Variants in ARB2A observed in about 807,000 individuals in gnomAD.
ARB2A encodes the protein cotranscriptional regulator ARB2A.
the ARB2A span, among the ~76,000 whole-genome samples, chr5:93,851,072 GT>G: frequency 6.6e-6 from 1 of 151,960 alleles, no homozygotes. Flanking sequence ...CATTCATTTT[GT>G]CAGATGGACC....
the ARB2A span, among the ~76,000 whole-genome samples, chr5:94,036,225 C>A: frequency 6.6e-6 from 1 of 151,984 alleles, no homozygotes; most frequent in Non-Finnish European, 1.5e-5. Flanking sequence ...TTAGGGTATT[C>A]TTTAAGCACA....
At chr5:93,808,120 C>T in the ARB2A span, among the ~76,000 whole-genome samples, 30 of 152,060 alleles carry the variant, frequency 2.0e-4, no homozygotes, top group African/African-American at 6.0e-4. Flanking sequence ...AAAAACCTTA[C>T]GGCTATATCG....
chr5:93,997,450 A>C, the ARB2A span, among the ~76,000 whole-genome samples: 1 of 152,030 alleles, frequency 6.6e-6, no homozygotes, highest in Non-Finnish European at 1.5e-5. Flanking sequence ...ATTCAATAAG[A>C]TATTTCAGGA....
At chr5:94,068,895 TGTG>T in the ARB2A span, among the ~76,000 whole-genome samples, 1 of 139,316 alleles carries the variant, frequency 7.2e-6, no homozygotes, top group East Asian at 2.1e-4. Context: ...AGGAGCCAGG[TGTG>T]GTGGTGGGCA....
the ARB2A span, among the ~76,000 whole-genome samples, chr5:93,894,310 A>G: frequency 6.6e-6 from 1 of 152,130 alleles, no homozygotes; most frequent in Non-Finnish European, 1.5e-5. Flanking sequence ...ATAAAGAACT[A>G]AGTTAGGAAC....
chr5:93,840,875 T>C, the ARB2A span, among the ~76,000 whole-genome samples: 2 of 152,158 alleles, frequency 1.3e-5, no homozygotes, highest in African/African-American at 2.4e-5. Flanking sequence ...CTTTAAATCA[T>C]ATGTATTAAA....
the ARB2A span, among the ~76,000 whole-genome samples, chr5:93,959,331 C>T: frequency 2.0e-5 from 3 of 151,952 alleles, no homozygotes; most frequent in Non-Finnish European, 4.4e-5. Flanking sequence ...TTATCTCATT[C>T]AATAACAACC....
At chr5:94,074,799 T>C in the ARB2A span, 5 of 1,483,092 alleles carry the variant, frequency 3.4e-6, no homozygotes, top group African/African-American at 1.4e-5. Context: ...TAAATTAAGT[T>C]CTACTCAAAA....
the ARB2A span, chr5:93,621,246 CCTCCCGCCT>C: frequency 1.1e-6 from 1 of 929,936 alleles, no homozygotes; most frequent in Non-Finnish European, 1.4e-6. Context: ...CCTCCCCGCC[CCTCCCGCCT>C]GCGCCCCGCC....
chr5:93,923,743 AG>A, the ARB2A span, among the ~76,000 whole-genome samples: 1 of 152,138 alleles, frequency 6.6e-6, no homozygotes, highest in Non-Finnish European at 1.5e-5. Flanking sequence ...CAGGAGTTCA[AG>A]GTTACAATGG....
the ARB2A span, among the ~76,000 whole-genome samples, chr5:94,032,643 G>A: frequency 1.3e-5 from 2 of 152,102 alleles, no homozygotes; most frequent in South Asian, 2.1e-4. Context: ...AGACAAGCAC[G>A]TGCGCTCCAC....
chr5:93,635,791 T>C, the ARB2A span, among the ~76,000 whole-genome samples: 1 of 152,194 alleles, frequency 6.6e-6, no homozygotes, highest in Non-Finnish European at 1.5e-5. Context: ...TCATTTCATG[T>C]ATGAGATACA....
the ARB2A span, among the ~76,000 whole-genome samples, chr5:94,039,044 C>G: frequency 6.6e-6 from 1 of 152,082 alleles, no homozygotes; most frequent in Admixed American, 6.6e-5. Flanking sequence ...TCCACAGGTT[C>G]TCAGTTAATG....
chr5:93,912,776 A>T, the ARB2A span, among the ~76,000 whole-genome samples: 5 of 151,960 alleles, frequency 3.3e-5, no homozygotes, highest in East Asian at 7.7e-4. Context: ...ATAATTCTTC[A>T]TATTTCTTTT....
chr5:93,768,039 CA>C, the ARB2A span, among the ~76,000 whole-genome samples: 1 of 138,460 alleles, frequency 7.2e-6, no homozygotes, highest in African/African-American at 2.7e-5. Context: ...GAATTAACAG[CA>C]TTTGCACCAA....
the ARB2A span, among the ~76,000 whole-genome samples, chr5:93,718,068 C>A: frequency 9.9e-5 from 15 of 151,856 alleles, no homozygotes; most frequent in African/African-American, 3.6e-4. Flanking sequence ...CTCCTGACCT[C>A]GCGATCCACC....
the ARB2A span, among the ~76,000 whole-genome samples, chr5:93,896,732 T>C: frequency 6.6e-6 from 1 of 152,082 alleles, no homozygotes; most frequent in Admixed American, 6.6e-5. Flanking sequence ...TAACATTTTC[T>C]TCAAAAGTAA....
chr5:93,651,951 A>T, the ARB2A span, among the ~76,000 whole-genome samples: 1 of 152,182 alleles, frequency 6.6e-6, no homozygotes, highest in Non-Finnish European at 1.5e-5. Context: ...GTATAGCTAA[A>T]ATGACCTCAG....
At chr5:93,881,262 A>ACTT in the ARB2A span, 1 of 390,990 alleles carries the variant, frequency 2.6e-6, no homozygotes, top group East Asian at 4.6e-5. Flanking sequence ...TGCATTTGTG[A>ACTT]CTTCTATAAA....
Sources: allele counts gnomAD v4.1 joint callset (sites outside exome capture counted in the v4.1 genomes callset), GRCh38; gene constraint gnomAD v4.1.1; transcripts MANE v1.5; gene names NCBI Gene and HGNC (gene_info 2026-07-23, HGNC 2026-07-21).